The following AP1S3 variants were observed in gnomAD, a reference collection of about 807,000 sequenced individuals.
AP1S3 encodes the protein AP-1 complex subunit sigma-3.
AP1S3 carries 10 observed loss-of-function variants against 20.9 expected under a neutral mutation model. The ratio of observed to expected loss-of-function variants is 0.48; its 90% CI spans 0.29 to 0.81. The LOEUF (loss-of-function observed/expected upper bound fraction) is 0.81. AP1S3 is among the 30% of genes least tolerant of loss of function. The pLI is 0.08. For synonymous variants in AP1S3, 41 were observed against 61.5 expected (o/e 0.67, Z 1.56); for missense variants, 154 against 183.8 (o/e 0.84, Z 0.94).
chr2:223,798,376 A>AG (rs1002687558), intron 1 of AP1S3, among the ~76,000 whole-genome samples: 1 of 152,172 alleles, frequency 6.6e-6, no homozygotes, highest in African/African-American at 2.4e-5. Flanking sequence ...AGTGGATCTG[A>AG]GGGGGCAGAA....
In AP1S3 at chr2:223,757,584, G is replaced by A. The variant is rs139829865; in HGVS notation, c.*1131C>T. 2,698 of 984,986 alleles carry A rather than the reference G, an allele frequency of 2.7e-3. 8 individuals carry two copies. Among genetic ancestry groups the A allele is most frequent in the Middle Eastern group, 0.016 (31 of 1,912 alleles). 61.0% of individuals were successfully genotyped at this position (984,986 alleles called of 1,614,324 possible). ...ATTACAGGTGTAAGCCACCACTCCC[G>A]GCCTACAAGCTATTTCCCTGTAATA... On this transcript the variant is annotated 3_prime_UTR_variant, in exon 5 of 5. Coordinates refer to ENST00000396654, the MANE Select transcript of AP1S3 (RefSeq NM_001039569.2).
Position 223,761,905 on chromosome 2 carries a change from TCTA to T in AP1S3, c.430-3158_430-3156del, listed in dbSNP as rs1309083896. Among the ~76,000 whole-genome samples the T allele has an allele frequency of 2.0e-5, 3 of 152,004 alleles. No individual in the cohort carries two copies. In the East Asian group the frequency reaches 5.8e-4, roughly 29 times the overall value. ...GCAGGCTGTTAGTTGGGGTAAAATA[TCTA>T]CTGTTTGTCGCTCCTACCTATTGCA... On this transcript the variant is annotated intron_variant, in intron 4 of 4. Coordinates refer to ENST00000396654, the MANE Select transcript of AP1S3 (RefSeq NM_001039569.2).
chr2:223,812,183 A>G (rs1245826472), intron 1 of AP1S3, among the ~76,000 whole-genome samples: 3 of 152,148 alleles, frequency 2.0e-5, no homozygotes, highest in Non-Finnish European at 4.4e-5. Context: ...TCTTCCATTT[A>G]TGCATGCAGG....
chr2:223,776,147 CCCAATAGCCT>C (rs1430212642), intron 2 of AP1S3, 138 bp from the exon 3 acceptor site: 1 of 718,498 alleles, frequency 1.4e-6, no homozygotes, highest in Non-Finnish European at 2.6e-6. Context: ...ATTCATCACC[CCCAATAGCCT>C]CCTGAAATAT....
chr2:223,827,863 C>T (rs1329879958), intron 1 of AP1S3, among the ~76,000 whole-genome samples: 1 of 151,194 alleles, frequency 6.6e-6, no homozygotes, highest in Non-Finnish European at 1.5e-5. Context: ...AGTTCAGGAC[C>T]AGCCTGGCCA....
At chr2:223,811,238 G>A (rs879327003) in intron 1 of AP1S3, among the ~76,000 whole-genome samples, 4 of 150,038 alleles carry the variant, frequency 2.7e-5, no homozygotes, top group South Asian at 2.1e-4. Flanking sequence ...GATTACAGGC[G>A]CCCACCACTA....
chr2:223,775,199 C>A (rs1690755987), intron 3 of AP1S3, among the ~76,000 whole-genome samples: 1 of 152,134 alleles, frequency 6.6e-6, no homozygotes, highest in African/African-American at 2.4e-5. Flanking sequence ...TAAAGATGGA[C>A]CCATGCTGTA....
In AP1S3 at chr2:223,825,899, C is replaced by T. The variant is rs1457858287; in HGVS notation, c.3+11549G>A. Among the ~76,000 whole-genome samples the T allele has an allele frequency of 2.0e-5, 3 of 152,104 alleles. No homozygotes were observed. In the East Asian group the frequency reaches 5.8e-4, roughly 30 times the overall value. On this transcript the variant is annotated intron_variant, in intron 1 of 4. Coordinates refer to ENST00000396654, the MANE Select transcript of AP1S3 (RefSeq NM_001039569.2). ...AGGTGTGGTGGCGGGCACCTGTAAC[C>T]CCAGCTACTTGGGAGGCTAAGGTGG...
chr2:223,783,969 G>T lies in AP1S3; in HGVS notation c.4-6100C>A, dbSNP rs77354412. Among the ~76,000 whole-genome samples the T allele has an allele frequency of 7.9e-3, 1,200 of 152,244 alleles. 16 individuals carry two copies. Among genetic ancestry groups the T allele is most frequent in the African/African-American group, 0.026 (1,078 of 41,540 alleles). Reference sequence around the variant, plus strand: ...CAGGCCCTCCTCCGGTGGCCCAGATGATGACCCATCCCTTAACGCCACTGC... The same window carrying T: ...CAGGCCCTCCTCCGGTGGCCCAGATTATGACCCATCCCTTAACGCCACTGC... On this transcript the variant is annotated intron_variant, in intron 1 of 4. Coordinates refer to ENST00000396654, the MANE Select transcript of AP1S3 (RefSeq NM_001039569.2).
intron 1 of AP1S3, among the ~76,000 whole-genome samples, chr2:223,826,616 A>G (rs1203293578): frequency 3.9e-5 from 6 of 152,082 alleles, no homozygotes; most frequent in African/African-American, 1.2e-4. Flanking sequence ...AACAAAATTA[A>G]TAACTTAGGA....
chr2:223,822,983 GA>G (rs909980063), intron 1 of AP1S3, among the ~76,000 whole-genome samples: 2 of 151,916 alleles, frequency 1.3e-5, no homozygotes, highest in African/African-American at 2.4e-5. Context: ...AGTATATGGG[GA>G]AAAAAATGCT....
At chr2:223,804,972 T>C (rs1691546010) in intron 1 of AP1S3, among the ~76,000 whole-genome samples, 1 of 152,162 alleles carries the variant, frequency 6.6e-6, no homozygotes. Flanking sequence ...CTTACACACA[T>C]ACAACCGTGA....
chr2:223,773,384 G>A, intron 3 of AP1S3: 1 of 1,301,396 alleles, frequency 7.7e-7, no homozygotes, highest in Non-Finnish European at 1.0e-6. Flanking sequence ...GTACAAAAAT[G>A]TGAGAATTCA....
At chr2:223,800,976 C>T (rs1276837656) in intron 1 of AP1S3, among the ~76,000 whole-genome samples, 3 of 152,180 alleles carry the variant, frequency 2.0e-5, no homozygotes, top group African/African-American at 4.8e-5. Flanking sequence ...ATTCCCAGCC[C>T]AAGGCTATTT....
intron 1 of AP1S3, among the ~76,000 whole-genome samples, chr2:223,832,135 CTG>C (rs774812162): frequency 0.072 from 5,055 of 70,546 alleles, 153 homozygotes; most frequent in East Asian, 0.11. Flanking sequence ...AGTTTTCTCT[CTG>C]TGTGTGTGTG....
chr2:223,821,779 A>G (rs1455169465), intron 1 of AP1S3, among the ~76,000 whole-genome samples: 1 of 152,208 alleles, frequency 6.6e-6, no homozygotes, highest in African/African-American at 2.4e-5. Flanking sequence ...TTAACAACTG[A>G]GCATCAGGCC....
At chr2:223,809,736 T>A (rs74637562) in intron 1 of AP1S3, among the ~76,000 whole-genome samples, 15,752 of 146,258 alleles carry the variant, frequency 0.11, 959 homozygotes, top group African/African-American at 0.2. Context: ...TTATTTATTT[T>A]TTTTTTTTTT....
intron 1 of AP1S3, among the ~76,000 whole-genome samples, chr2:223,789,189 C>T (rs1257811790): frequency 6.6e-6 from 1 of 151,002 alleles, no homozygotes. Flanking sequence ...CAAATTGCTA[C>T]ACACACATAC....
chr2:223,778,784 C>G (rs1231792595), intron 1 of AP1S3, among the ~76,000 whole-genome samples: 1 of 151,854 alleles, frequency 6.6e-6, no homozygotes, highest in Non-Finnish European at 1.5e-5. Context: ...GCAACCTCCC[C>G]CTCCCAGGTT....
Sources: allele counts gnomAD v4.1 joint callset (sites outside exome capture counted in the v4.1 genomes callset), GRCh38; gene constraint gnomAD v4.1.1; transcripts MANE v1.5; gene names NCBI Gene and HGNC (gene_info 2026-07-23, HGNC 2026-07-21).